The following TXNL1 variants were observed in gnomAD, a reference collection of about 807,000 sequenced individuals.
The protein encoded by TXNL1 is thioredoxin like 1.
A neutral mutation model predicts 35.5 loss-of-function variants in TXNL1; 14 were observed. The ratio of observed to expected loss-of-function variants is 0.39; its 90% CI spans 0.26 to 0.62. The LOEUF is 0.62. Ranked by LOEUF, TXNL1 falls within the 20% of genes least tolerant of loss-of-function variation. TXNL1 has a pLI of 0.47. For missense variants in TXNL1, 263 were observed against 349.7 expected (o/e 0.75, Z 1.98); for synonymous variants, 110 against 115.5 (o/e 0.95, Z 0.31).
chr18:56,615,246 C>T (rs557630455), intron 5 of TXNL1, among the ~76,000 whole-genome samples: 1 of 152,050 alleles, frequency 6.6e-6, no homozygotes, highest in Non-Finnish European at 1.5e-5. Context: ...CTCATTTCTA[C>T]AGCATTTGCT....
chr18:56,602,968 G>C lies in TXNL1; in HGVS notation c.*59C>G, dbSNP rs1453821256. ...ATTGACAGTCTCTGGCGAGAATCAA[G>C]CAATTATCCAGGAGCTGTAGATCTG... On this transcript the variant is annotated 3_prime_UTR_variant, in exon 8 of 8. Transcript: ENST00000217515. The C allele has an allele frequency of 5.8e-6, 9 of 1,551,258 alleles. No homozygotes were observed. Among genetic ancestry groups the C allele is most frequent in the Non-Finnish European group, 7.1e-6 (8 of 1,123,634 alleles).
chr18:56,609,164 T>C (rs1485379772), intron 7 of TXNL1: 8 of 152,060 alleles, frequency 5.3e-5, no homozygotes, highest in Non-Finnish European at 7.4e-5. Context: ...TGGCCTTCAA[T>C]AGTATTTAAT....
chr18:56,612,017 CT>C (rs1240758709), intron 6 of TXNL1, among the ~76,000 whole-genome samples: 93 of 109,080 alleles, frequency 8.5e-4, no homozygotes, highest in African/African-American at 6.0e-3. Flanking sequence ...CCCGGCTAAT[CT>C]TTTTTTTTTT....
intron 3 of TXNL1, among the ~76,000 whole-genome samples, chr18:56,620,135 CTT>C (rs1383725574): frequency 2.0e-5 from 3 of 151,902 alleles, no homozygotes; most frequent in Non-Finnish European, 4.4e-5. Context: ...TGTCTGGCTA[CTT>C]TTTGTATTTT....
chr18:56,638,432 C>A lies in TXNL1; in HGVS notation c.9G>T (p.Gly3=), dbSNP rs1399296451. 2 of 1,612,808 alleles carry A rather than the reference C, an allele frequency of 1.2e-6. No homozygotes were observed. The highest frequency in any genetic ancestry group is 3.3e-5 in the Admixed American group (2 of 59,940). The part of the protein sequence containing the change: MV[G]VKPVGSDPDF... The stretch of plus-strand genomic sequence containing the variant: ...CCGGGTCGCTCCCGACGGGCTTCAC[C>A]CCCACCATCCTCACAGAGAGCCCGG... The change falls in exon 1 of 8, where the codon GGG becomes GGT. Residue 3 remains glycine, a synonymous_variant. Transcript: ENST00000217515.
At position 56,600,086 on chromosome 18, in the gene TXNL1, GC is replaced by G. The variant is rs1429470020; in HGVS notation, c.*2940del. On this transcript the variant is annotated 3_prime_UTR_variant, in exon 8 of 8. Transcript: ENST00000217515. The stretch of plus-strand genomic sequence containing the variant: ...ACTTTATTCTTATTACAGAATCAAA[GC>G]TTTTAGACATTAAGAGGAACAAGGG... 1 of 152,158 alleles carries G rather than the reference GC, an allele frequency of 6.6e-6. No homozygotes were observed. The highest frequency in any genetic ancestry group is 1.5e-5 in the Non-Finnish European group (1 of 68,024). The allele number at this position is 152,158 out of a possible 1,614,324, so 9.4% of individuals were successfully genotyped here.
At chr18:56,613,951 T>G (rs2024038961) in intron 6 of TXNL1, among the ~76,000 whole-genome samples, 1 of 152,044 alleles carries the variant, frequency 6.6e-6, no homozygotes, top group Non-Finnish European at 1.5e-5. Context: ...GAAGATTATT[T>G]GAGCCCAAGA....
At chr18:56,630,882 T>C (rs2024358810) in intron 1 of TXNL1, among the ~76,000 whole-genome samples, 1 of 148,774 alleles carries the variant, frequency 6.7e-6, no homozygotes, top group Non-Finnish European at 1.5e-5. Context: ...AAATCGATCA[T>C]TTTCTTTTTT....
rs758568560 is a variant in TXNL1 at position 56,602,504 on chromosome 18, T to C, written c.*523A>G. On this transcript the variant is annotated 3_prime_UTR_variant, in exon 8 of 8. Transcript: ENST00000217515. The stretch of plus-strand genomic sequence containing the variant: ...CCATTAGCTAAGTTTTAGGTAAGAG[T>C]AGCTAAATCTCATTAAACCTGTTTA... 1 of 152,024 alleles carries C rather than the reference T, an allele frequency of 6.6e-6. No individual in the cohort carries two copies. The highest frequency in any genetic ancestry group is 2.1e-4 in the South Asian group (1 of 4,850). 9.4% of individuals were successfully genotyped at this position (152,024 alleles called of 1,614,324 possible). A position where few individuals can be genotyped will look rare whatever the true frequency, so the allele number is the denominator to read the frequency against.
Position 56,601,449 on chromosome 18 carries a change from G to A in TXNL1, c.*1578C>T, listed in dbSNP as rs2144268670. On this transcript the variant is annotated 3_prime_UTR_variant, in exon 8 of 8. Coordinates refer to ENST00000217515, the MANE Select transcript of TXNL1 (RefSeq NM_004786.3). ...AGGCACTTTAACAATTACTCAGAAA[G>A]GTTAAGTGTACAAAACTGTAAACCA... The A allele has an allele frequency of 6.6e-6, 1 of 152,240 alleles. No homozygotes were observed. Among genetic ancestry groups the A allele is most frequent in the East Asian group, 1.9e-4 (1 of 5,188 alleles). The allele number at this position is 152,240 out of a possible 1,614,324, so 9.4% of individuals were successfully genotyped here.
intron 2 of TXNL1, 99 bp from the exon 3 acceptor site, chr18:56,624,560 C>G: frequency 2.3e-6 from 3 of 1,310,608 alleles, no homozygotes; most frequent in Non-Finnish European, 2.1e-6. Flanking sequence ...TAAGCATGAA[C>G]TAAAAACATG....
intron 7 of TXNL1, chr18:56,610,319 T>C (rs2023969720): frequency 6.6e-6 from 1 of 152,370 alleles, no homozygotes; most frequent in Non-Finnish European, 1.5e-5. Flanking sequence ...TAGGGAACTG[T>C]TGCCCATTAG....
chr18:56,629,890 G>A lies in TXNL1; in HGVS notation c.99-3433C>T, dbSNP rs117062681. ...TGAAACCCATGCAATTTTGTAACAA[G>A]ATCAGTAAGAAAGATAGTAACCAGA... On this transcript the variant is annotated intron_variant, in intron 1 of 7. Coordinates refer to ENST00000217515, the MANE Select transcript of TXNL1 (RefSeq NM_004786.3). Among the ~76,000 whole-genome samples, 598 of 152,194 alleles carry A rather than the reference G, an allele frequency of 3.9e-3. 2 individuals are homozygous for A. Among genetic ancestry groups the A allele is most frequent in the Middle Eastern group, 0.031 (9 of 294 alleles).
rs2023763127 is a variant in TXNL1 at position 56,597,881 on chromosome 18, G to A, written c.*5146C>T. The A allele has an allele frequency of 3.9e-5, 6 of 152,154 alleles. No homozygotes were observed. In the South Asian group the frequency reaches 1.2e-3, roughly 32 times the overall value. The allele number at this position is 152,154 out of a possible 1,614,324, so 9.4% of individuals were successfully genotyped here. A position where few individuals can be genotyped will look rare whatever the true frequency, so the allele number is the denominator to read the frequency against. ...CCTCTGAACGTTCTGCTTCTCCTAAGAGCTACTTCTATATTCAATTGTAAA... is the reference window on the plus strand; with the variant it reads ...CCTCTGAACGTTCTGCTTCTCCTAAAAGCTACTTCTATATTCAATTGTAAA... On this transcript the variant is annotated 3_prime_UTR_variant, in exon 8 of 8. Transcript: ENST00000217515.
chr18:56,638,122 G>C (rs945137472), intron 1 of TXNL1, among the ~76,000 whole-genome samples: 2 of 152,178 alleles, frequency 1.3e-5, no homozygotes, highest in South Asian at 2.1e-4. Context: ...TCCTGAGCTG[G>C]AGAAGCCGGC....
intron 7 of TXNL1, among the ~76,000 whole-genome samples, chr18:56,605,476 T>C (rs1411046122): frequency 6.6e-6 from 1 of 152,192 alleles, no homozygotes; most frequent in African/African-American, 2.4e-5. Flanking sequence ...GTGATAAAAA[T>C]CTTTTCACAT....
chr18:56,628,667 T>C (rs2024324300), intron 1 of TXNL1, among the ~76,000 whole-genome samples: 1 of 152,190 alleles, frequency 6.6e-6, no homozygotes, highest in Admixed American at 6.5e-5. Flanking sequence ...AGTGAGTTAC[T>C]GATAGAATAA....
rs551106319 is a variant in TXNL1 at position 56,601,027 on chromosome 18, T to G, written c.*2000A>C. 1.3e-5 allele frequency: 2 copies of G among 152,310 alleles called. No homozygotes were observed. The highest frequency in any genetic ancestry group is 2.4e-5 in the African/African-American group (1 of 41,578). 9.4% of individuals were successfully genotyped at this position (152,310 alleles called of 1,614,324 possible). On this transcript the variant is annotated 3_prime_UTR_variant, in exon 8 of 8. Coordinates refer to ENST00000217515, the MANE Select transcript of TXNL1 (RefSeq NM_004786.3). ...TTTTCTAGATGCACTAATAAATAAC[T>G]TCAGTTAAAATAACTAGAGTTACAT... is the stretch of plus-strand genomic sequence containing the variant.
rs1217785351 is a variant in TXNL1 at position 56,602,770 on chromosome 18, A to G, written c.*257T>C. 4 of 557,294 alleles carry G rather than the reference A, an allele frequency of 7.2e-6. No individual in the cohort carries two copies. The highest frequency in any genetic ancestry group is 2.3e-5 in the South Asian group (1 of 43,306). 34.5% of individuals were successfully genotyped at this position (557,294 alleles called of 1,614,324 possible). ...AAGTCTCTACTAAAATCAGAAGTTA[A>G]CCAGTTTTCAAATACATGGAAAGAG... On this transcript the variant is annotated 3_prime_UTR_variant, in exon 8 of 8. Coordinates refer to ENST00000217515, the MANE Select transcript of TXNL1 (RefSeq NM_004786.3).
Sources: allele counts gnomAD v4.1 joint callset (sites outside exome capture counted in the v4.1 genomes callset), GRCh38; gene constraint gnomAD v4.1.1; transcripts MANE v1.5; gene names NCBI Gene and HGNC (gene_info 2026-07-23, HGNC 2026-07-21).